OPCML: variants seen among roughly 807,000 people sequenced by gnomAD.
OPCML encodes opioid-binding protein/cell adhesion molecule.
A neutral mutation model predicts 37.8 loss-of-function variants in OPCML; 13 were observed. The observed-to-expected ratio is 0.34, with a 90% CI of 0.22 to 0.55. The LOEUF is 0.55. Ranked by LOEUF, OPCML falls within the 20% of genes least tolerant of loss-of-function variation. OPCML has a pLI of 0.91. For missense variants in OPCML, 341 were observed against 435.6 expected, an observed-to-expected ratio of 0.78 and a Z score of 1.93; for synonymous variants, 176 against 168.8, an observed-to-expected ratio of 1.04 and a Z score of -0.33.
At chr11:133,427,211 C>CA (rs1319059569) in intron 1 of OPCML, among the ~76,000 whole-genome samples, 2 of 151,880 alleles carry the variant, frequency 1.3e-5, no homozygotes, top group Non-Finnish European at 2.9e-5. Flanking sequence ...TACCATATCA[C>CA]AAAAAAGGCA....
intron 1 of OPCML, among the ~76,000 whole-genome samples, chr11:133,337,450 T>A (rs914833546): frequency 7.2e-5 from 11 of 152,224 alleles, no homozygotes; most frequent in Non-Finnish European, 1.6e-4. Flanking sequence ...CAGGATCCGC[T>A]GCAGGGCCAG....
In OPCML at chr11:133,212,599, T is replaced by C. The variant is rs959967354; in HGVS notation, c.62-269589A>G. ...CCCTTACTCTCTTTTACTTTCTCAC[T>C]TGTCCAAAGCCCTTGTCATCTTCTA... On this transcript the variant is annotated intron_variant, in intron 1 of 7. Transcript: ENST00000524381. This position sits in a 1 kb window ranked among gnomAD's most constrained non-coding sequence, Gnocchi z 4.9. 6.6e-6 allele frequency among the ~76,000 whole-genome samples: 1 copy of C among 152,244 alleles called. No individual in the cohort carries two copies. Among genetic ancestry groups the C allele is most frequent in the Non-Finnish European group, 1.5e-5 (1 of 68,050 alleles).
chr11:132,525,682 CT>C (rs1484473860), intron 4 of OPCML: 1 of 149,070 alleles, frequency 6.7e-6, no homozygotes, highest in Non-Finnish European at 1.5e-5. Flanking sequence ...CTTACAAATA[CT>C]TCATGTTCCA....
At chr11:133,018,438 C>T (rs1406727787) in intron 1 of OPCML, among the ~76,000 whole-genome samples, 9 of 151,960 alleles carry the variant, frequency 5.9e-5, no homozygotes, top group East Asian at 3.9e-4. Context: ...CCTTTTGAAA[C>T]GTGGCCAGCC....
intron 4 of OPCML, among the ~76,000 whole-genome samples, chr11:132,482,449 G>C (rs926965438): frequency 3.9e-5 from 6 of 151,982 alleles, no homozygotes; most frequent in African/African-American, 1.5e-4. Context: ...ACCAAAAAGA[G>C]TCCAGGACCA....
intron 2 of OPCML, among the ~76,000 whole-genome samples, chr11:132,784,277 C>T (rs1947129963): frequency 6.6e-6 from 1 of 152,128 alleles, no homozygotes. Flanking sequence ...ACTAACTTCC[C>T]TAAATTTTGG....
At chr11:132,869,339 T>G (rs1232113406) in intron 2 of OPCML, among the ~76,000 whole-genome samples, 1 of 152,108 alleles carries the variant, frequency 6.6e-6, no homozygotes, top group East Asian at 1.9e-4. Flanking sequence ...CCCCGCCTCC[T>G]CCTTCCCACC....
chr11:132,708,542 A>G (rs1301514194), intron 2 of OPCML, among the ~76,000 whole-genome samples: 1 of 152,254 alleles, frequency 6.6e-6, no homozygotes, highest in Non-Finnish European at 1.5e-5. Context: ...CTATATTAAC[A>G]AAAGAACTGA....
At chr11:132,721,800 C>A (rs920805987) in intron 2 of OPCML, among the ~76,000 whole-genome samples, 1 of 151,872 alleles carries the variant, frequency 6.6e-6, no homozygotes, top group Non-Finnish European at 1.5e-5. Context: ...AAAATAGCCT[C>A]GGCTTTCAAG....
Position 133,140,982 on chromosome 11 carries a change from A to AAGAC in OPCML, c.62-197973_62-197972insGTCT, listed in dbSNP as rs1565468839. On this transcript the variant is annotated intron_variant, in intron 1 of 7. Coordinates refer to ENST00000524381, the MANE Select transcript of OPCML (RefSeq NM_001012393.5). ...AAGAAGAAGAAGAAGAAGAAGAAGA[A>AAGAC]GAAGAAGAAGAAGAAGACGACGACG... is the stretch of plus-strand genomic sequence containing the variant. Among the ~76,000 whole-genome samples the AAGAC allele has an allele frequency of 9.9e-4, 4 of 4,032 alleles. 2 individuals are homozygous for AAGAC. The highest frequency in any genetic ancestry group is 1.7e-3 in the African/African-American group (4 of 2,410). 2.6% of individuals were successfully genotyped at this position (4,032 alleles called of 152,430 possible). A position where few individuals can be genotyped will look rare whatever the true frequency, so the allele number is the denominator to read the frequency against.
At chr11:132,554,618 T>A (rs1364878483) in intron 3 of OPCML, among the ~76,000 whole-genome samples, 1 of 152,070 alleles carries the variant, frequency 6.6e-6, no homozygotes, top group African/African-American at 2.4e-5. Flanking sequence ...TGCTGGGGTG[T>A]CTCAGCTCAT....
chr11:133,528,222 T>C (rs1324138318), intron 1 of OPCML, among the ~76,000 whole-genome samples: 8 of 152,214 alleles, frequency 5.3e-5, no homozygotes, highest in Non-Finnish European at 1.2e-4. Context: ...GCTGATGCTA[T>C]CTCCTTCTCA....
chr11:132,683,188 G>A (rs1943026323), intron 2 of OPCML, among the ~76,000 whole-genome samples: 1 of 152,166 alleles, frequency 6.6e-6, no homozygotes, highest in Non-Finnish European at 1.5e-5. Context: ...GTTGAGGCTG[G>A]AAGAGTTGGA....
Position 133,254,120 on chromosome 11 carries a change from G to T in OPCML, c.61+278144C>A, listed in dbSNP as rs554395810. 2.0e-5 allele frequency among the ~76,000 whole-genome samples: 3 copies of T among 151,968 alleles called. No homozygotes were observed. The East Asian group carries it at 5.8e-4, about 29-fold the overall frequency. On this transcript the variant is annotated intron_variant, in intron 1 of 7. Coordinates refer to ENST00000524381, the MANE Select transcript of OPCML (RefSeq NM_001012393.5). Reference sequence around the variant, plus strand: ...AATCAGGGTATTAAAAAATTCAAAGGGGCATCAAAAAAGGGGGTATTCATT... The same window carrying T: ...AATCAGGGTATTAAAAAATTCAAAGTGGCATCAAAAAAGGGGGTATTCATT...
intron 2 of OPCML, among the ~76,000 whole-genome samples, chr11:132,881,180 G>T (rs886498896): frequency 6.6e-6 from 1 of 152,210 alleles, no homozygotes; most frequent in Non-Finnish European, 1.5e-5. Context: ...TTTAGGAGAG[G>T]ATGAGATCTC....
chr11:133,003,680 G>A (rs1591900892), intron 1 of OPCML: 1 of 985,326 alleles, frequency 1.0e-6, no homozygotes, highest in Non-Finnish European at 1.2e-6. Context: ...AAAATACCCA[G>A]CATTCTATTG....
Position 132,890,965 on chromosome 11 carries a change from T to C in OPCML, c.146+51961A>G, listed in dbSNP as rs1037128396. Among the ~76,000 whole-genome samples, 3 of 152,226 alleles carry C rather than the reference T, an allele frequency of 2.0e-5. No homozygotes were observed. In the East Asian group the frequency reaches 5.8e-4, roughly 29 times the overall value. ...AGCTCAGCAAAGCACTAACACTCTT[T>C]ACATCTCCCCTCTCTATTATGAAGT... On this transcript the variant is annotated intron_variant, in intron 2 of 7. Coordinates refer to ENST00000524381, the MANE Select transcript of OPCML (RefSeq NM_001012393.5).
intron 3 of OPCML, among the ~76,000 whole-genome samples, chr11:132,605,334 G>T (rs1428740289): frequency 6.6e-6 from 1 of 151,862 alleles, no homozygotes; most frequent in Non-Finnish European, 1.5e-5. Context: ...GAGGTGGGTG[G>T]ATCATGAGGT....
At chr11:132,569,455 T>A (rs781124821) in intron 3 of OPCML, among the ~76,000 whole-genome samples, 3 of 152,194 alleles carry the variant, frequency 2.0e-5, no homozygotes, top group Non-Finnish European at 4.4e-5. Context: ...AGACAAGTCA[T>A]ACACTTGTGT....
Sources: allele counts gnomAD v4.1 joint callset (sites outside exome capture counted in the v4.1 genomes callset), GRCh38; gene constraint gnomAD v4.1.1; non-coding constraint Gnocchi (gnomAD v3.1); transcripts MANE v1.5; gene names NCBI Gene and HGNC (gene_info 2026-07-23, HGNC 2026-07-21).